The following KPNA3 variants were observed in gnomAD, a reference collection of about 807,000 sequenced individuals.
KPNA3 encodes importin subunit alpha-4.
A neutral mutation model predicts 73.8 loss-of-function variants in KPNA3; 13 were observed. That is an observed-to-expected ratio of 0.18 (90% CI 0.11 to 0.28). KPNA3 has a LOEUF of 0.28. KPNA3 is among the 10% of genes least tolerant of loss of function. The pLI, the probability that KPNA3 is intolerant of heterozygous loss-of-function variation, is 1.00. For missense variants in KPNA3, 360 were observed against 618.1 expected (o/e 0.58, Z 4.43); for synonymous variants, 186 against 206.9 (o/e 0.90, Z 0.87).
intron 15 of KPNA3, among the ~76,000 whole-genome samples, chr13:49,702,842 A>T (rs1954160193): frequency 6.6e-6 from 1 of 152,206 alleles, no homozygotes; most frequent in African/African-American, 2.4e-5. Flanking sequence ...ACTCCCCCAC[A>T]GTGCTTTAAT....
chr13:49,780,470 A>G (rs1954932323), intron 1 of KPNA3, among the ~76,000 whole-genome samples: 1 of 152,088 alleles, frequency 6.6e-6, no homozygotes, highest in Non-Finnish European at 1.5e-5. Flanking sequence ...CACCCATCTG[A>G]GACCTTGAGG....
intron 9 of KPNA3, among the ~76,000 whole-genome samples, chr13:49,720,368 G>T (rs1954343543): frequency 2.0e-5 from 3 of 152,152 alleles, no homozygotes; most frequent in African/African-American, 7.2e-5. Context: ...TTTAAAATAT[G>T]GGAGAAAGGG....
At chr13:49,710,804 C>T (rs929902912) in intron 11 of KPNA3, 87 bp downstream of exon 11, 3 of 1,170,800 alleles carry the variant, frequency 2.6e-6, no homozygotes, top group African/African-American at 3.1e-5. Context: ...TAAGCACTTA[C>T]AGATAGAATT....
chr13:49,721,883 C>T, intron 9 of KPNA3, 72 bp downstream of exon 9: 1 of 1,019,636 alleles, frequency 9.8e-7, no homozygotes, highest in East Asian at 2.6e-5. Flanking sequence ...TTATTTTGTC[C>T]CCTGTATATG....
At chr13:49,711,905 C>T (rs978807565) in intron 10 of KPNA3, among the ~76,000 whole-genome samples, 3 of 152,132 alleles carry the variant, frequency 2.0e-5, no homozygotes, top group African/African-American at 4.8e-5. Context: ...TTCAGCATTA[C>T]TAAGAGTCAG....
chr13:49,792,163 T>G (rs1440697364), intron 1 of KPNA3, among the ~76,000 whole-genome samples: 1 of 151,760 alleles, frequency 6.6e-6, no homozygotes, highest in African/African-American at 2.4e-5. Flanking sequence ...CAGCTCCACA[T>G]CCCCTCCTCG....
intron 12 of KPNA3, among the ~76,000 whole-genome samples, chr13:49,706,960 A>G (rs568423005): frequency 2.6e-5 from 4 of 152,226 alleles, no homozygotes; most frequent in Admixed American, 2.0e-4. Context: ...CGTGTTAGCC[A>G]GGATGGTCTC....
In KPNA3 at chr13:49,725,519, C is replaced by T; in HGVS notation, c.384-18G>A. The stretch of plus-strand genomic sequence containing the variant: ...ATGAAGGACTGTAAAAAAACAATAA[C>T]ACATCTTTTTAGACACATAACTACC... On this transcript the variant is annotated intron_variant, in intron 6 of 16. Coordinates refer to ENST00000261667, the MANE Select transcript of KPNA3 (RefSeq NM_002267.4). The T allele has an allele frequency of 6.6e-7, 1 of 1,515,188 alleles. No homozygotes were observed. Among genetic ancestry groups the T allele is most frequent in the Non-Finnish European group, 9.2e-7 (1 of 1,091,452 alleles). 93.9% of individuals were successfully genotyped at this position (1,515,188 alleles called of 1,614,324 possible).
intron 1 of KPNA3, among the ~76,000 whole-genome samples, chr13:49,760,571 T>C (rs555853488): frequency 1.3e-5 from 2 of 152,298 alleles, no homozygotes; most frequent in South Asian, 2.1e-4. Context: ...TCAATCGCAA[T>C]GTGTGGACCT....
Position 49,721,965 on chromosome 13 carries a change from G to T in KPNA3, c.716C>A (p.Thr239Lys). Residue 239 changes from threonine (T) to lysine (K), a missense_variant, in exon 9 of 17, where the codon ACA becomes AAA. Physicochemically the swap from Thr to Lys is moderately conservative, Grantham distance 78. This residue lies in a region of KPNA3 where 287 missense variants were observed against 549.1 expected (regional missense o/e 0.52). Coordinates refer to ENST00000261667, the MANE Select transcript of KPNA3 (RefSeq NM_002267.4). Reference protein sequence around the residue: ...RNKDPPPPMETVQEILPALCV... With the variant: ...RNKDPPPPMEKVQEILPALCV... The stretch of plus-strand genomic sequence containing the variant: ...CAATTCTTCATTTACCTCCTGAACT[G>T]TCTCCATAGGCGGCGGGGGATCCTT... 6.3e-7 allele frequency: 1 copy of T among 1,578,802 alleles called. No homozygotes were observed.
chr13:49,762,120 C>G lies in KPNA3; in HGVS notation c.70-15127G>C, dbSNP rs1186349752. On this transcript the variant is annotated intron_variant, in intron 1 of 16. Transcript: ENST00000261667. ...CCGGGAGGGAGGTGGGGGGCAGCCC[C>G]CGCCCGGCCAGCCTCCCCGTCCGGG... 1.3e-4 allele frequency among the ~76,000 whole-genome samples: 15 copies of G among 115,246 alleles called. No individual in the cohort carries two copies. The South Asian group carries it at 4.1e-3, about 32-fold the overall frequency. The allele number at this position is 115,246 out of a possible 152,430, so 75.6% of individuals were successfully genotyped here.
At chr13:49,784,163 C>A (rs989380050) in intron 1 of KPNA3, among the ~76,000 whole-genome samples, 3 of 152,102 alleles carry the variant, frequency 2.0e-5, no homozygotes, top group African/African-American at 7.2e-5. Context: ...GCAGGAGGAT[C>A]GCTTGAGCCA....
At chr13:49,732,706 T>G in intron 4 of KPNA3, 41 bp downstream of exon 4, 1 of 1,581,826 alleles carries the variant, frequency 6.3e-7, no homozygotes, top group Non-Finnish European at 8.7e-7. Context: ...AAAATCAATT[T>G]CAAAATACTT....
intron 1 of KPNA3, among the ~76,000 whole-genome samples, chr13:49,786,136 A>G (rs1594465997): frequency 6.6e-6 from 1 of 152,366 alleles, no homozygotes; most frequent in African/African-American, 2.4e-5. Flanking sequence ...AAGGAGGGCT[A>G]GGCAACAGTA....
intron 1 of KPNA3, among the ~76,000 whole-genome samples, chr13:49,753,582 G>C (rs761596385): frequency 2.6e-5 from 4 of 152,190 alleles, no homozygotes; most frequent in Non-Finnish European, 4.4e-5. Context: ...TCCTTATAAG[G>C]TAGGCCCAAT....
At chr13:49,775,440 A>C (rs551922149) in intron 1 of KPNA3, among the ~76,000 whole-genome samples, 1 of 152,284 alleles carries the variant, frequency 6.6e-6, no homozygotes, top group Admixed American at 6.5e-5. Flanking sequence ...CTGACCAAAC[A>C]GGCTCTCATG....
At chr13:49,792,408 G>A (rs775973303) in intron 1 of KPNA3, 30 bp downstream of exon 1, 1 of 1,521,482 alleles carries the variant, frequency 6.6e-7, no homozygotes, top group East Asian at 2.7e-5. Flanking sequence ...GGCGCGGCCA[G>A]GCGGGCCCAG....
intron 10 of KPNA3, among the ~76,000 whole-genome samples, chr13:49,718,647 T>C (rs1341844975): frequency 6.6e-6 from 1 of 152,206 alleles, no homozygotes; most frequent in African/African-American, 2.4e-5. Context: ...ACAGATATTA[T>C]CTTATATGTC....
intron 2 of KPNA3, among the ~76,000 whole-genome samples, chr13:49,745,441 C>A (rs993950702): frequency 1.3e-5 from 1 of 75,008 alleles, no homozygotes; most frequent in Non-Finnish European, 3.4e-5. Flanking sequence ...CTCACTGCAG[C>A]CCCTGCCTCC....
Sources: gnomAD v4.1 joint callset for allele counts (sites outside exome capture counted in the v4.1 genomes callset) on GRCh38, gnomAD v4.1.1 for gene constraint, gnomAD v4.1.1 regional missense constraint, MANE v1.5 for transcripts, NCBI Gene and HGNC (gene_info 2026-07-23, HGNC 2026-07-21) for gene names.